AFDN: variants seen among roughly 807,000 people sequenced by gnomAD.
AFDN encodes the protein afadin.
In AFDN, 68 loss-of-function variants were observed where a neutral mutation model predicts 216.6. The ratio of observed to expected loss-of-function variants is 0.31; its 90% CI spans 0.26 to 0.38. The LOEUF (loss-of-function observed/expected upper bound fraction) is 0.38, where lower values mean the gene tolerates loss of function less well. Among genes scored for constraint, AFDN ranks in the 10% least tolerant of loss-of-function variants. The probability of loss-of-function intolerance (pLI) is 1.00; values close to 1 mark genes in which losing one functional copy is unlikely to be tolerated. For missense variants in AFDN, 2,136 were observed against 2,342.0 expected, an observed-to-expected ratio of 0.91 and a Z score of 1.82; for synonymous variants, 868 against 853.7, an observed-to-expected ratio of 1.02 and a Z score of -0.29.
chr6:167,834,315 A>G lies in AFDN; in HGVS notation c.105+7078A>G, dbSNP rs141082343. 1.1e-3 allele frequency among the ~76,000 whole-genome samples: 170 copies of G among 152,210 alleles called. 2 individuals carry two copies. The highest frequency in any genetic ancestry group is 4.0e-3 in the African/African-American group (167 of 41,532). ...GTCATTCTTAGGCCTTTGTATCCTC[A>G]TAAGTGCTCGCACTTAGGAGCGAGA... On this transcript the variant is annotated intron_variant, in intron 1 of 33. Transcript: ENST00000683244.
chr6:167,940,935 ATG>A (rs373851835), intron 23 of AFDN, among the ~76,000 whole-genome samples: 5 of 39,370 alleles, frequency 1.3e-4, no homozygotes, highest in African/African-American at 3.5e-4. Context: ...CACAGGAGAG[ATG>A]TGTGGACAGA....
chr6:167,902,384 AAGGT>A lies in AFDN; in HGVS notation c.1650+4_1650+7del. 6.2e-7 allele frequency: 1 copy of A among 1,609,666 alleles called. No homozygotes were observed. The highest frequency in any genetic ancestry group is 8.5e-7 in the Non-Finnish European group (1 of 1,176,456). On this transcript the variant is annotated splice_donor_variant and coding_sequence_variant, in exon 12 of 34. Transcript: ENST00000683244. LOFTEE classifies it high-confidence loss of function. Reference sequence around the variant, plus strand: ...TAGTGGGACAGCATTACCGACAAGCAAGGTAGGTAATTATGGATTACCTGATAGA... The same window carrying A: ...TAGTGGGACAGCATTACCGACAAGCAAGGTAATTATGGATTACCTGATAGA...
chr6:167,846,044 C>A (rs896674412), intron 1 of AFDN, among the ~76,000 whole-genome samples: 1 of 152,074 alleles, frequency 6.6e-6, no homozygotes, highest in African/African-American at 2.4e-5. Context: ...AAACTGCCTC[C>A]ATGATCCAAT....
chr6:167,899,790 C>T (rs1193184033), intron 11 of AFDN, among the ~76,000 whole-genome samples: 4 of 152,190 alleles, frequency 2.6e-5, no homozygotes, highest in East Asian at 1.9e-4. Context: ...GTAGTTATTG[C>T]CCTTATATAC....
At chr6:167,893,539 C>T (rs1787867616) in intron 8 of AFDN, 1 of 269,582 alleles carries the variant, frequency 3.7e-6, no homozygotes, top group Non-Finnish European at 7.2e-6. Context: ...GTTCTTTAAA[C>T]AGAAGAAATC....
chr6:167,956,327 G>C (rs1267386416), intron 30 of AFDN, among the ~76,000 whole-genome samples: 2 of 151,950 alleles, frequency 1.3e-5, no homozygotes, highest in East Asian at 3.9e-4. Context: ...GGTAATTAGA[G>C]AAATGAGGCA....
intron 7 of AFDN, 134 bp from the exon 8 acceptor site, chr6:167,890,728 C>T: frequency 1.3e-6 from 1 of 759,824 alleles, no homozygotes; most frequent in Non-Finnish European, 2.1e-6. Context: ...GTAAGCTGTA[C>T]ACAGTGATTC....
chr6:167,963,394 GTGT>G (rs2128750326), intron 31 of AFDN: 1 of 1,056,906 alleles, frequency 9.5e-7, no homozygotes, highest in East Asian at 5.3e-5. Context: ...GAAGCTTTCA[GTGT>G]TACAACTTCT....
Position 167,872,289 on chromosome 6 carries a change from A to G in AFDN, c.490A>G (p.Lys164Glu), listed in dbSNP as rs1562586545. 6.2e-7 allele frequency: 1 copy of G among 1,614,072 alleles called. No individual in the cohort carries two copies. Among genetic ancestry groups the G allele is most frequent in the Non-Finnish European group, 8.5e-7 (1 of 1,179,978 alleles). Residue 164 changes from lysine to glutamate, a missense_variant, in exon 4 of 34, where the codon AAA (lysine) becomes GAA (glutamate). Around this residue, in one of 8 missense-constraint regions of AFDN, gnomAD observed 817 missense variants for 965.7 expected, o/e 0.85. Coordinates refer to ENST00000683244, the MANE Select transcript of AFDN (RefSeq NM_001386888.1). ...IQNFKRTLSKKEKKEKKKREK... is the reference protein window; with the variant it reads ...IQNFKRTLSKEEKKEKKKREK... The stretch of plus-strand genomic sequence containing the variant: ...GAACTTCAAGAGAACTCTCTCAAAG[A>G]AAGAAAAGAAGGAAAAAAAGAAGAG...
rs530229804 is a variant in AFDN at position 167,942,553 on chromosome 6, T to C, written c.3100-576T>C. Among the ~76,000 whole-genome samples the C allele has an allele frequency of 3.9e-5, 6 of 152,276 alleles. No homozygotes were observed. The South Asian group carries it at 1.2e-3, about 32-fold the overall frequency. ...TTCTGAAAACAATTATATATAGAAC[T>C]TAAGTCTATGTAACAGAATTTTATT... On this transcript the variant is annotated intron_variant, in intron 23 of 33. Transcript: ENST00000683244.
intron 1 of AFDN, chr6:167,863,904 CTTTTTGCCATTGAAAAT>C (rs1783867516): frequency 1.7e-5 from 7 of 413,924 alleles, no homozygotes; most frequent in South Asian, 1.3e-4. Flanking sequence ...AGTACTTGTG[CTTTTTGCCATTGAAAAT>C]AATGGCAAAA....
rs1004734709 is a variant in AFDN at position 167,952,340 on chromosome 6, A to G, written c.4833+153A>G. The G allele has an allele frequency of 2.3e-5, 35 of 1,510,040 alleles. No individual in the cohort carries two copies. In the African/African-American group the frequency reaches 3.9e-4, roughly 17 times the overall value. 93.5% of individuals were successfully genotyped at this position (1,510,040 alleles called of 1,614,324 possible). A position where few individuals can be genotyped will look rare whatever the true frequency, so the allele number is the denominator to read the frequency against. ...TTATTGTATGTGTTACTCTTGGCTG[A>G]TGTCGTAGAGAAATGAGTCAGGCCT... On this transcript the variant is annotated intron_variant, in intron 30 of 33. Coordinates refer to ENST00000683244, the MANE Select transcript of AFDN (RefSeq NM_001386888.1).
intron 1 of AFDN, among the ~76,000 whole-genome samples, chr6:167,836,647 A>G (rs1483425624): frequency 6.6e-6 from 1 of 152,156 alleles, no homozygotes; most frequent in East Asian, 1.9e-4. Flanking sequence ...TTTGCACAAA[A>G]TATATTGTGT....
chr6:167,945,147 C>T (rs1795117511), intron 26 of AFDN, among the ~76,000 whole-genome samples: 1 of 149,414 alleles, frequency 6.7e-6, no homozygotes, highest in Non-Finnish European at 1.5e-5. Flanking sequence ...TATGCTTATT[C>T]CATAAGTGAT....
chr6:167,902,931 G>C (rs1789174259), intron 12 of AFDN, among the ~76,000 whole-genome samples: 1 of 152,210 alleles, frequency 6.6e-6, no homozygotes, highest in Non-Finnish European at 1.5e-5. Context: ...AAAGTTACCA[G>C]ATCTTTCTTT....
At chr6:167,855,204 CTT>C (rs904988515) in intron 1 of AFDN, among the ~76,000 whole-genome samples, 1 of 151,900 alleles carries the variant, frequency 6.6e-6, no homozygotes, top group Non-Finnish European at 1.5e-5. Flanking sequence ...ATAAATTAAT[CTT>C]TTTTAAAACT....
In AFDN at chr6:167,965,754, C is replaced by G; in HGVS notation, c.4969-3C>G. On this transcript the variant is annotated splice_polypyrimidine_tract_variant and splice_region_variant and intron_variant, in intron 31 of 33. Transcript: ENST00000683244. ...TTGCACTCTTGTCTATTCCCGCCCG[C>G]AGAGGCGACAGGAAGAAGGGTATTA... 6.5e-7 allele frequency: 1 copy of G among 1,531,672 alleles called. No homozygotes were observed. Among genetic ancestry groups the G allele is most frequent in the Middle Eastern group, 1.7e-4 (1 of 5,752 alleles). 94.9% of individuals were successfully genotyped at this position (1,531,672 alleles called of 1,614,324 possible).
intron 4 of AFDN, among the ~76,000 whole-genome samples, chr6:167,874,198 T>A (rs1785087588): frequency 6.6e-6 from 1 of 152,184 alleles, no homozygotes; most frequent in African/African-American, 2.4e-5. Context: ...GAGCAATGAC[T>A]GTGCCACTGG....
intron 30 of AFDN, among the ~76,000 whole-genome samples, chr6:167,959,060 T>C (rs1796793917): frequency 6.6e-6 from 1 of 152,224 alleles, no homozygotes; most frequent in Non-Finnish European, 1.5e-5. Context: ...GTTTGTATGA[T>C]TGCGTAAAAC....
Sources: gnomAD v4.1 joint callset for allele counts (sites outside exome capture counted in the v4.1 genomes callset) on GRCh38, gnomAD v4.1.1 for gene constraint, gnomAD v4.1.1 regional missense constraint, MANE v1.5 for transcripts, NCBI Gene and HGNC (gene_info 2026-07-23, HGNC 2026-07-21) for gene names.